CELF2: variants seen among roughly 807,000 people sequenced by gnomAD.
CELF2 encodes CUG triplet repeat RNA-binding protein 2.
A neutral mutation model predicts 62.6 loss-of-function variants in CELF2; 8 were observed. The ratio of observed to expected loss-of-function variants is 0.13; its 90% CI spans 0.07 to 0.23. The LOEUF (loss-of-function observed/expected upper bound fraction) is 0.23, where lower values mean the gene tolerates loss of function less well. CELF2 is among the 10% of genes least tolerant of loss of function. The pLI is 1.00. For synonymous variants in CELF2, 258 were observed against 250.0 expected, an observed-to-expected ratio of 1.03 and a Z score of -0.30; for missense variants, 333 against 671.0, an observed-to-expected ratio of 0.50 and a Z score of 5.56.
chr10:11,276,861 A>T (rs1055463378), intron 8 of CELF2, among the ~76,000 whole-genome samples: 1 of 152,240 alleles, frequency 6.6e-6, no homozygotes, highest in Admixed American at 6.5e-5. Context: ...CTGCGTGCTC[A>T]TTTGAAAACT....
chr10:10,605,410 C>T, the CELF2 span, among the ~76,000 whole-genome samples: 22 of 152,286 alleles, frequency 1.4e-4, no homozygotes, highest in South Asian at 3.5e-3. Flanking sequence ...ACATCCTGCA[C>T]GAGTACCCTG....
chr10:10,909,210 T>C (rs765963317), intron 1 of CELF2, among the ~76,000 whole-genome samples: 2 of 152,196 alleles, frequency 1.3e-5, no homozygotes, highest in Non-Finnish European at 2.9e-5. Flanking sequence ...TCCTTTTGAC[T>C]GAGGTCACCG....
At chr10:10,747,345 G>T in the CELF2 span, among the ~76,000 whole-genome samples, 1 of 152,210 alleles carries the variant, frequency 6.6e-6, no homozygotes, top group Non-Finnish European at 1.5e-5. Flanking sequence ...AGGTAGGATG[G>T]CCTTTGCTTT....
At chr10:11,152,846 T>C (rs1220289022) in intron 1 of CELF2, among the ~76,000 whole-genome samples, 1 of 152,194 alleles carries the variant, frequency 6.6e-6, no homozygotes, top group East Asian at 1.9e-4. Context: ...AGGATGGCTG[T>C]GGACTCTGGC....
At chr10:10,804,891 T>C (rs764617568) in intron 1 of CELF2, among the ~76,000 whole-genome samples, 8 of 152,176 alleles carry the variant, frequency 5.3e-5, no homozygotes, top group African/African-American at 1.2e-4. Flanking sequence ...CTGTGTAAGT[T>C]TGGAGGAATG....
rs1421966239 is a variant in CELF2, at chr10:11,318,070, C to T, written c.1097-3119C>T. 2 of 152,254 alleles carry T rather than the reference C, an allele frequency of 1.3e-5. No homozygotes were observed. The highest frequency in any genetic ancestry group is 4.8e-5 in the African/African-American group (2 of 41,452). The allele number at this position is 152,254 out of a possible 1,614,324, so 9.4% of individuals were successfully genotyped here. Reference sequence around the variant, plus strand: ...GTTATCCAGAGCTTTTAGAGGAAATCAAGTGCCTGCAGCTGGGTTGACCAA... The same window carrying T: ...GTTATCCAGAGCTTTTAGAGGAAATTAAGTGCCTGCAGCTGGGTTGACCAA... On this transcript the variant is annotated intron_variant, in intron 10 of 12. Coordinates refer to ENST00000633077, the MANE Select transcript of CELF2 (RefSeq NM_001326342.2). This position sits in a 1 kb window ranked among gnomAD's most constrained non-coding sequence, Gnocchi z 5.4.
At chr10:11,216,600 G>A (rs1230140598) in intron 2 of CELF2, among the ~76,000 whole-genome samples, 1 of 152,212 alleles carries the variant, frequency 6.6e-6, no homozygotes, top group East Asian at 1.9e-4. Flanking sequence ...GAAGGTGCAA[G>A]CCCTCCTCCA....
chr10:11,291,687 GTTAA>G (rs2092548656), intron 9 of CELF2, among the ~76,000 whole-genome samples: 2 of 152,016 alleles, frequency 1.3e-5, no homozygotes, highest in African/African-American at 4.8e-5. Flanking sequence ...CTCCTATTTA[GTTAA>G]TTAATTCTTG....
At chr10:11,106,816 G>T (rs949880500) in intron 1 of CELF2, among the ~76,000 whole-genome samples, 3 of 152,216 alleles carry the variant, frequency 2.0e-5, no homozygotes, top group African/African-American at 7.2e-5. Flanking sequence ...ACCCAGCATG[G>T]GATTCTGAGT....
At position 11,316,399 on chromosome 10, in the gene CELF2, G is replaced by T. The variant is rs950346738; in HGVS notation, c.1096+2141G>T. On this transcript the variant is annotated intron_variant, in intron 10 of 12. Transcript: ENST00000633077. This position sits in a 1 kb window ranked among gnomAD's most constrained non-coding sequence, Gnocchi z 4.4. ...ATGCAGAGCCGTTTTACAATCTCCA[G>T]CATTGACCTCGAGCTAATATTTGCT... 6.6e-6 allele frequency among the ~76,000 whole-genome samples: 1 copy of T among 152,220 alleles called. No homozygotes were observed.
intron 1 of CELF2, among the ~76,000 whole-genome samples, chr10:11,033,566 A>G (rs1390948792): frequency 1.3e-5 from 2 of 152,184 alleles, no homozygotes; most frequent in African/African-American, 2.4e-5. Context: ...CTCAGGGCAC[A>G]TTTTTGACAG....
chr10:11,262,283 T>C (rs938873955), intron 5 of CELF2, among the ~76,000 whole-genome samples: 17 of 152,152 alleles, frequency 1.1e-4, no homozygotes, highest in African/African-American at 4.1e-4. Flanking sequence ...TATTAAAACA[T>C]GTACACAGTG....
chr10:11,290,343 C>G lies in CELF2; in HGVS notation c.976+1791C>G, dbSNP rs535346538. 6.6e-6 allele frequency among the ~76,000 whole-genome samples: 1 copy of G among 151,956 alleles called. No individual in the cohort carries two copies. The highest frequency in any genetic ancestry group is 6.6e-5 in the Admixed American group (1 of 15,254). On this transcript the variant is annotated intron_variant, in intron 9 of 12. Coordinates refer to ENST00000633077, the MANE Select transcript of CELF2 (RefSeq NM_001326342.2). The surrounding 1 kb of genome is among the most constrained non-coding windows in gnomAD (Gnocchi z 4.3). ...GAGTTCCGTGACGGAAGCCATGGCGCGTGTTGAGGCAGAGGACAGAGCCAG... is the reference window on the plus strand; with the variant it reads ...GAGTTCCGTGACGGAAGCCATGGCGGGTGTTGAGGCAGAGGACAGAGCCAG...
chr10:10,582,574 A>T, the CELF2 span, among the ~76,000 whole-genome samples: 1 of 152,134 alleles, frequency 6.6e-6, no homozygotes, highest in Admixed American at 6.6e-5. Context: ...TCCAGTTAAC[A>T]ACCTTGTTAT....
the CELF2 span, among the ~76,000 whole-genome samples, chr10:10,778,853 T>A: frequency 6.6e-6 from 1 of 152,092 alleles, no homozygotes; most frequent in East Asian, 1.9e-4. Context: ...GAAGAAACAA[T>A]TAAAATTTGT....
the CELF2 span, among the ~76,000 whole-genome samples, chr10:10,686,317 G>T: frequency 7.9e-5 from 6 of 76,138 alleles, no homozygotes; most frequent in Admixed American, 2.1e-4. Flanking sequence ...TTTTGGGGGG[G>T]GGGGTGGGGT....
At chr10:10,861,066 G>A (rs907087031) in intron 1 of CELF2, among the ~76,000 whole-genome samples, 1 of 151,996 alleles carries the variant, frequency 6.6e-6, no homozygotes, top group Non-Finnish European at 1.5e-5. Flanking sequence ...GACTCCAGGT[G>A]TACTCCACCA....
chr10:10,506,468 C>A, the CELF2 span, among the ~76,000 whole-genome samples: 5 of 152,154 alleles, frequency 3.3e-5, no homozygotes, highest in South Asian at 1.0e-3. Context: ...GTAAATCAAA[C>A]TTCACTGTCA....
intron 1 of CELF2, among the ~76,000 whole-genome samples, chr10:10,841,011 G>A (rs752111700): frequency 6.6e-6 from 1 of 152,118 alleles, no homozygotes. Context: ...TCCCTGCAAA[G>A]GACATGAGCT....
Sources: gnomAD v4.1 joint callset for allele counts (sites outside exome capture counted in the v4.1 genomes callset) on GRCh38, gnomAD v4.1.1 for gene constraint, Gnocchi (gnomAD v3.1) non-coding constraint, MANE v1.5 for transcripts, NCBI Gene and HGNC (gene_info 2026-07-23, HGNC 2026-07-21) for gene names.